SMAD4: variants seen among roughly 807,000 people sequenced by gnomAD.
The protein encoded by SMAD4 is SMAD family member 4.
A neutral mutation model predicts 63.2 loss-of-function variants in SMAD4; 7 were observed. The observed-to-expected ratio is 0.11, with a 90% CI of 0.06 to 0.21. SMAD4 has a LOEUF of 0.21. Among genes scored for constraint, SMAD4 ranks in the 10% least tolerant of loss-of-function variants. The probability of loss-of-function intolerance (pLI) is 1.00; values close to 1 mark genes in which losing one functional copy is unlikely to be tolerated. For synonymous variants in SMAD4, 215 were observed against 235.4 expected (o/e 0.91, Z 0.79); for missense variants, 312 against 693.8 (o/e 0.45, Z 6.18).
chr18:51,054,053 T>C (rs2144416286), intron 4 of SMAD4: 1 of 152,424 alleles, frequency 6.6e-6, no homozygotes, highest in East Asian at 1.9e-4. Flanking sequence ...GGAAAGATGT[T>C]ATGCTGTATC....
rs71171374 is a variant in SMAD4 at position 51,062,851 on chromosome 18, G to GTTTTTTTTTTTTTTTTTTT, written c.956-2566_956-2548dup. 1.2e-4 allele frequency among the ~76,000 whole-genome samples: 8 copies of GTTTTTTTTTTTTTTTTTTT among 65,394 alleles called. 2 individuals are homozygous for GTTTTTTTTTTTTTTTTTTT. Among genetic ancestry groups the GTTTTTTTTTTTTTTTTTTT allele is most frequent in the African/African-American group, 5.1e-4 (8 of 15,672 alleles). The allele number at this position is 65,394 out of a possible 152,430, so 42.9% of individuals were successfully genotyped here. A position where few individuals can be genotyped will look rare whatever the true frequency, so the allele number is the denominator to read the frequency against. On this transcript the variant is annotated intron_variant, in intron 8 of 11. Transcript: ENST00000342988. ...ACAGTCTAGTAATCTGGCTTTACTT[G>GTTTTTTTTTTTTTTTTTTT]TTTTTTTTTTTTTTTTTTTTTTTTG...
intron 10 of SMAD4, among the ~76,000 whole-genome samples, chr18:51,073,062 CTG>C (rs1910358905): frequency 6.6e-6 from 1 of 151,892 alleles, no homozygotes; most frequent in East Asian, 1.9e-4. Context: ...CGTAAATAAT[CTG>C]TGGAAGGGAG....
chr18:51,037,739 T>C (rs754058884), intron 1 of SMAD4, among the ~76,000 whole-genome samples: 1 of 152,198 alleles, frequency 6.6e-6, no homozygotes, highest in Non-Finnish European at 1.5e-5. Context: ...TGGGACACCA[T>C]TTTTATTTTT....
chr18:51,031,155 T>TTA (rs760023889), intron 1 of SMAD4, among the ~76,000 whole-genome samples: 1 of 152,196 alleles, frequency 6.6e-6, no homozygotes, highest in Non-Finnish European at 1.5e-5. Flanking sequence ...GCAGGACACA[T>TTA]TCTTAGCACC....
Position 51,041,479 on chromosome 18 carries a change from C to G in SMAD4, c.-127-5441C>G, listed in dbSNP as rs547696555. Among the ~76,000 whole-genome samples the G allele has an allele frequency of 1.7e-4, 26 of 152,240 alleles. No individual in the cohort carries two copies. The Middle Eastern group carries it at 0.01, about 60-fold the overall frequency. ...CTGGATAATTTATTTTGCGTGTTGT[C>G]CAGTGCATTGCAGGGTATTTAGCAG... On this transcript the variant is annotated intron_variant, in intron 1 of 11. Transcript: ENST00000342988.
intron 1 of SMAD4, among the ~76,000 whole-genome samples, chr18:51,038,585 A>C (rs1054367701): frequency 6.6e-6 from 1 of 152,214 alleles, no homozygotes; most frequent in African/African-American, 2.4e-5. Context: ...TTCTTCATGT[A>C]CTTTAAACAA....
chr18:51,078,471 C>A lies in SMAD4; in HGVS notation c.*4C>A, dbSNP rs1555687625. ...AGACCCACAACCTTTAGACTGAGGT[C>A]TTTTACCGTTGGGGCCCTTAACCTT... is the stretch of plus-strand genomic sequence containing the variant. On this transcript the variant is annotated 3_prime_UTR_variant, in exon 12 of 12. Coordinates refer to ENST00000342988, the MANE Select transcript of SMAD4 (RefSeq NM_005359.6). 1.9e-6 allele frequency: 3 copies of A among 1,608,794 alleles called. No individual in the cohort carries two copies. The highest frequency in any genetic ancestry group is 2.6e-6 in the Non-Finnish European group (3 of 1,175,430).
intron 10 of SMAD4, among the ~76,000 whole-genome samples, chr18:51,073,395 A>AT (rs1910382180): frequency 1.6e-5 from 1 of 62,586 alleles, no homozygotes; most frequent in Admixed American, 1.8e-4. Context: ...ATATACACAC[A>AT]CACACACACA....
intron 1 of SMAD4, among the ~76,000 whole-genome samples, chr18:51,034,297 A>G (rs1178395581): frequency 1.4e-5 from 2 of 146,424 alleles, no homozygotes; most frequent in Non-Finnish European, 3.0e-5. Context: ...CCCAGGCTAG[A>G]GTGCAATGGT....
At chr18:51,031,737 CA>C (rs373402789) in intron 1 of SMAD4, among the ~76,000 whole-genome samples, 3,421 of 134,134 alleles carry the variant, frequency 0.026, 43 homozygotes, top group Middle Eastern at 0.048. Context: ...CATTTAGTAT[CA>C]AAAAAAAAAA....
chr18:51,060,169 C>T (rs1909969127), intron 8 of SMAD4, among the ~76,000 whole-genome samples: 1 of 152,140 alleles, frequency 6.6e-6, no homozygotes, highest in Non-Finnish European at 1.5e-5. Context: ...GAAATGCTGA[C>T]TTCAGCATTG....
At chr18:51,037,878 A>G (rs985891908) in intron 1 of SMAD4, among the ~76,000 whole-genome samples, 4 of 152,214 alleles carry the variant, frequency 2.6e-5, no homozygotes, top group Non-Finnish European at 5.9e-5. Flanking sequence ...CTAAAATCTG[A>G]TGTTTCAAGT....
rs1910683554 is a variant in SMAD4 at position 51,084,013 on chromosome 18, CACACACA to C, written c.*5547_*5553del. 1.6e-4 allele frequency: 4 copies of C among 25,630 alleles called. No individual in the cohort carries two copies. Among genetic ancestry groups the C allele is most frequent in the African/African-American group, 9.4e-4 (4 of 4,276 alleles). 1.6% of individuals were successfully genotyped at this position (25,630 alleles called of 1,614,324 possible). A position where few individuals can be genotyped will look rare whatever the true frequency, so the allele number is the denominator to read the frequency against. Reference sequence around the variant, plus strand: ...TAACGCGCGTGCGCACGCGCGCGCGCACACACACACACACACACACACACACACACAG... The same window carrying C: ...TAACGCGCGTGCGCACGCGCGCGCGCCACACACACACACACACACACACAG... On this transcript the variant is annotated 3_prime_UTR_variant, in exon 12 of 12. Transcript: ENST00000342988.
rs968227540 is a variant in SMAD4, at chr18:51,059,850, G to A, written c.905-16G>A. Reference sequence around the variant, plus strand: ...TTTAGTAAATAAAAATGGAATTTTTGTTGTCTTTTCTTTAGGGCCTGTTCA... The same window carrying A: ...TTTAGTAAATAAAAATGGAATTTTTATTGTCTTTTCTTTAGGGCCTGTTCA... On this transcript the variant is annotated splice_polypyrimidine_tract_variant and intron_variant, in intron 7 of 11. Transcript: ENST00000342988. The A allele has an allele frequency of 1.9e-6, 3 of 1,604,864 alleles. No homozygotes were observed. The highest frequency in any genetic ancestry group is 2.7e-5 in the African/African-American group (2 of 74,710).
intron 1 of SMAD4, among the ~76,000 whole-genome samples, chr18:51,030,918 T>C (rs1909029073): frequency 6.6e-6 from 1 of 152,108 alleles, no homozygotes; most frequent in Admixed American, 6.5e-5. Flanking sequence ...TCCTCTTTGT[T>C]GTTCTCAGTA....
At position 51,080,063 on chromosome 18, in the gene SMAD4, TAAAATC is replaced by T. The variant is rs1910572767; in HGVS notation, c.*1599_*1604del. 4.4e-6 allele frequency: 1 copy of T among 227,126 alleles called. No individual in the cohort carries two copies. The highest frequency in any genetic ancestry group is 2.2e-5 in the African/African-American group (1 of 45,058). The allele number at this position is 227,126 out of a possible 1,614,324, so 14.1% of individuals were successfully genotyped here. ...TGTCTACAGGATAAATAGTATGAAA[TAAAATC>T]AAGGATTATCTTTCAGATGTGTTTA... On this transcript the variant is annotated 3_prime_UTR_variant, in exon 12 of 12. Coordinates refer to ENST00000342988, the MANE Select transcript of SMAD4 (RefSeq NM_005359.6).
At position 51,084,050 on chromosome 18, in the gene SMAD4, G is replaced by A. The variant is rs1910687016; in HGVS notation, c.*5583G>A. The A allele has an allele frequency of 4.4e-6, 1 of 225,442 alleles. No individual in the cohort carries two copies. The highest frequency in any genetic ancestry group is 1.9e-4 in the South Asian group (1 of 5,176). The allele number at this position is 225,442 out of a possible 1,614,324, so 14.0% of individuals were successfully genotyped here. A position where few individuals can be genotyped will look rare whatever the true frequency, so the allele number is the denominator to read the frequency against. On this transcript the variant is annotated 3_prime_UTR_variant, in exon 12 of 12. Transcript: ENST00000342988. ...CACACACACACACACACACAGGTCA[G>A]AGTTTAAGGCTTTCGAGTCATGACA...
chr18:51,044,367 C>G (rs1909477068), intron 1 of SMAD4, among the ~76,000 whole-genome samples: 1 of 152,008 alleles, frequency 6.6e-6, no homozygotes, highest in Admixed American at 6.5e-5. Flanking sequence ...ATGCGTAATG[C>G]ATTTTAGGAA....
At position 51,046,911 on chromosome 18, in the gene SMAD4, CT is replaced by C; in HGVS notation, c.-127-3del. On this transcript the variant is annotated splice_polypyrimidine_tract_variant and splice_region_variant and intron_variant, in intron 1 of 11. Coordinates refer to ENST00000342988, the MANE Select transcript of SMAD4 (RefSeq NM_005359.6). ...TCTGATGTGTGTCTTTTTTTTTTTT[CT>C]TTTTTAGGTTATCCTGAATACATGT... 3.2e-6 allele frequency: 2 copies of C among 618,686 alleles called. No individual in the cohort carries two copies. The highest frequency in any genetic ancestry group is 5.3e-6 in the Non-Finnish European group (2 of 374,638). 38.3% of individuals were successfully genotyped at this position (618,686 alleles called of 1,614,324 possible).
Sources: gnomAD v4.1 joint callset for allele counts (sites outside exome capture counted in the v4.1 genomes callset) on GRCh38, gnomAD v4.1.1 for gene constraint, MANE v1.5 for transcripts, NCBI Gene and HGNC (gene_info 2026-07-23, HGNC 2026-07-21) for gene names.